Variants in MFNG observed in about 807,000 individuals in gnomAD.
MFNG encodes the protein beta-1,3-N-acetylglucosaminyltransferase manic fringe.
Under a neutral mutation model 34.2 loss-of-function variants are expected in MFNG, and 24 were observed. The ratio of observed to expected loss-of-function variants is 0.70; its 90% CI spans 0.51 to 0.99. The LOEUF (loss-of-function observed/expected upper bound fraction) is 0.99, where lower values mean the gene tolerates loss of function less well. Among genes scored for constraint, MFNG ranks in the 50% least tolerant of loss-of-function variants. The pLI, the probability that MFNG is intolerant of heterozygous loss-of-function variation, is 0.00. For synonymous variants in MFNG, 158 were observed against 179.2 expected, an observed-to-expected ratio of 0.88 and a Z score of 0.94; for missense variants, 383 against 424.0, an observed-to-expected ratio of 0.90 and a Z score of 0.85.
chr22:37,472,382 G>T, intron 7 of MFNG, 61 bp downstream of exon 7: 2 of 1,308,648 alleles, frequency 1.5e-6, no homozygotes, highest in Non-Finnish European at 1.1e-6. Context: ...GCTCCCCCAT[G>T]TTTGGATGCC....
chr22:37,474,433 C>T (rs529548860), intron 6 of MFNG, 79 bp downstream of exon 6: 3 of 1,526,312 alleles, frequency 2.0e-6, no homozygotes, highest in African/African-American at 1.4e-5. Context: ...CTTTCAAACG[C>T]CAGGAGGGAG....
At position 37,482,442 on chromosome 22, in the gene MFNG, C is replaced by T. The variant is rs899218599; in HGVS notation, c.256-1673G>A. On this transcript the variant is annotated intron_variant, in intron 1 of 7. Coordinates refer to ENST00000356998, the MANE Select transcript of MFNG (RefSeq NM_002405.4). This position sits in a 1 kb window ranked among gnomAD's most constrained non-coding sequence, Gnocchi z 4.1. Reference sequence around the variant, plus strand: ...TGTCTCTCTCTCTCACACACACACACGCACACACACGCACGCATACACACA... The same window carrying T: ...TGTCTCTCTCTCTCACACACACACATGCACACACACGCACGCATACACACA... 4.7e-5 allele frequency among the ~76,000 whole-genome samples: 7 copies of T among 150,506 alleles called. No homozygotes were observed. The highest frequency in any genetic ancestry group is 2.0e-4 in the East Asian group (1 of 5,082).
At chr22:37,484,128 T>C (rs567613981) in intron 1 of MFNG, 1 of 151,800 alleles carries the variant, frequency 6.6e-6, no homozygotes, top group Non-Finnish European at 1.5e-5. Flanking sequence ...AAGGGGACCA[T>C]AGGGAGGAGA....
chr22:37,469,586 G>C lies in MFNG; in HGVS notation c.*377C>G. The C allele has an allele frequency of 2.7e-6, 1 of 363,692 alleles. No individual in the cohort carries two copies. The highest frequency in any genetic ancestry group is 5.4e-6 in the Non-Finnish European group (1 of 185,994). The allele number at this position is 363,692 out of a possible 1,614,324, so 22.5% of individuals were successfully genotyped here. A position where few individuals can be genotyped will look rare whatever the true frequency, so the allele number is the denominator to read the frequency against. Reference sequence around the variant, plus strand: ...GCTTGAGCCCCAGGGGAATGACTGAGAGACATTAGCCAGGGCCAACGGCCA... The same window carrying C: ...GCTTGAGCCCCAGGGGAATGACTGACAGACATTAGCCAGGGCCAACGGCCA... On this transcript the variant is annotated 3_prime_UTR_variant, in exon 8 of 8. Coordinates refer to ENST00000356998, the MANE Select transcript of MFNG (RefSeq NM_002405.4).
chr22:37,477,655 G>T lies in MFNG; in HGVS notation c.562-674C>A, dbSNP rs181574780. ...TAGAGACAGGGTTTAACTATTTGTTGGCCAGGCTGGTCTCAAACTCCTGAC... is the reference window on the plus strand; with the variant it reads ...TAGAGACAGGGTTTAACTATTTGTTTGCCAGGCTGGTCTCAAACTCCTGAC... On this transcript the variant is annotated intron_variant, in intron 4 of 7. Coordinates refer to ENST00000356998, the MANE Select transcript of MFNG (RefSeq NM_002405.4). 7.2e-5 allele frequency among the ~76,000 whole-genome samples: 11 copies of T among 152,146 alleles called. No homozygotes were observed. The East Asian group carries it at 1.5e-3, about 21-fold the overall frequency.
chr22:37,470,331 C>T (rs1246858475), intron 7 of MFNG, among the ~76,000 whole-genome samples: 1 of 152,164 alleles, frequency 6.6e-6, no homozygotes, highest in Non-Finnish European at 1.5e-5. Flanking sequence ...CACTTGAGAA[C>T]CGCTAGTTTG....
At position 37,469,876 on chromosome 22, in the gene MFNG, GAC is replaced by G. The variant is rs1921727515; in HGVS notation, c.*85_*86del. 1 of 1,107,440 alleles carries G rather than the reference GAC, an allele frequency of 9.0e-7. No homozygotes were observed. Among genetic ancestry groups the G allele is most frequent in the Admixed American group, 2.0e-5 (1 of 50,556 alleles). 68.6% of individuals were successfully genotyped at this position (1,107,440 alleles called of 1,614,324 possible). A position where few individuals can be genotyped will look rare whatever the true frequency, so the allele number is the denominator to read the frequency against. ...CCCTGCCAGGGACTGCCTATCACAA[GAC>G]ACTTGCCAGGGACCCACAGTGCCAC... On this transcript the variant is annotated 3_prime_UTR_variant, in exon 8 of 8. Coordinates refer to ENST00000356998, the MANE Select transcript of MFNG (RefSeq NM_002405.4).
chr22:37,472,588 G>T, intron 6 of MFNG, 60 bp from the exon 7 acceptor site: 1 of 1,445,086 alleles, frequency 6.9e-7, no homozygotes, highest in Non-Finnish European at 9.4e-7. Flanking sequence ...CAAGGGGGCA[G>T]CATCCTGGCA....
rs910498621 is a variant in MFNG at position 37,482,830 on chromosome 22, C to T, written c.256-2061G>A. Among the ~76,000 whole-genome samples, 7 of 152,176 alleles carry T rather than the reference C, an allele frequency of 4.6e-5. No homozygotes were observed. Among genetic ancestry groups the T allele is most frequent in the Non-Finnish European group, 8.8e-5 (6 of 68,024 alleles). ...TCTCTCCCTGGGGTCTGTCTCCCAC[C>T]GTCAGATTTAGCGAATGCTGGAGGT... On this transcript the variant is annotated intron_variant, in intron 1 of 7. Transcript: ENST00000356998. This position sits in a 1 kb window ranked among gnomAD's most constrained non-coding sequence, Gnocchi z 4.1.
At chr22:37,472,581 G>T in intron 6 of MFNG, 53 bp from the exon 7 acceptor site, 2 of 1,486,220 alleles carry the variant, frequency 1.3e-6, no homozygotes, top group Non-Finnish European at 9.1e-7. Flanking sequence ...ATCCCCACAA[G>T]GGGGCAGCAT....
rs1277874232 is a variant in MFNG, at chr22:37,486,203, C to T, written c.-26G>A. The T allele has an allele frequency of 2.7e-6, 4 of 1,508,054 alleles. No individual in the cohort carries two copies. Among genetic ancestry groups the T allele is most frequent in the Non-Finnish European group, 2.7e-6 (3 of 1,129,054 alleles). The allele number at this position is 1,508,054 out of a possible 1,614,324, so 93.4% of individuals were successfully genotyped here. ...TGGTTGGCCCTGGGACCCCAGACAGCTCAGCCCCCAAATCCCAACCAGACA... is the reference window on the plus strand; with the variant it reads ...TGGTTGGCCCTGGGACCCCAGACAGTTCAGCCCCCAAATCCCAACCAGACA... On this transcript the variant is annotated 5_prime_UTR_variant, in exon 1 of 8. Coordinates refer to ENST00000356998, the MANE Select transcript of MFNG (RefSeq NM_002405.4).
chr22:37,478,495 G>A (rs1246032809), intron 4 of MFNG, among the ~76,000 whole-genome samples: 8 of 152,188 alleles, frequency 5.3e-5, no homozygotes, highest in Non-Finnish European at 1.2e-4. Flanking sequence ...ACCCAAATCA[G>A]TGTCCATCCA....
chr22:37,471,532 A>G (rs1921803926), intron 7 of MFNG, among the ~76,000 whole-genome samples: 1 of 152,100 alleles, frequency 6.6e-6, no homozygotes, highest in Non-Finnish European at 1.5e-5. Flanking sequence ...CCTGGCCAGA[A>G]TCACAAGCCA....
At position 37,486,267 on chromosome 22, in the gene MFNG, C is replaced by A; in HGVS notation, c.-90G>T. 7.2e-7 allele frequency: 1 copy of A among 1,384,878 alleles called. No individual in the cohort carries two copies. The highest frequency in any genetic ancestry group is 9.4e-7 in the Non-Finnish European group (1 of 1,058,522). 85.8% of individuals were successfully genotyped at this position (1,384,878 alleles called of 1,614,324 possible). On this transcript the variant is annotated 5_prime_UTR_variant, in exon 1 of 8. Transcript: ENST00000356998. The stretch of plus-strand genomic sequence containing the variant: ...GGTCAGGCAGGGGCTCCAGCAGAGG[C>A]AAAAGTCTGGCAGGCATCAGGGGCT...
At chr22:37,477,826 ATTCT>A (rs897329193) in intron 4 of MFNG, among the ~76,000 whole-genome samples, 2 of 152,110 alleles carry the variant, frequency 1.3e-5, no homozygotes, top group Non-Finnish European at 1.5e-5. Context: ...ACCTCATTTC[ATTCT>A]TTCTTCTGTG....
In MFNG at chr22:37,486,038, C is replaced by G; in HGVS notation, c.140G>C (p.Gly47Ala). ...ATCGTGTAGCTGTAGCTTAGGGGGC[C>G]CCGGGTTCGGCTGGCTCAGCTCGGG... The part of the protein sequence containing the change: ...GTPELSQPNP[G>A]PPKLQLHDVF... Residue 47 changes from glycine to alanine, a missense_variant, in exon 1 of 8, where the codon GGG becomes GCG. Coordinates refer to ENST00000356998, the MANE Select transcript of MFNG (RefSeq NM_002405.4). 6.2e-7 allele frequency: 1 copy of G among 1,614,034 alleles called. No individual in the cohort carries two copies. Among genetic ancestry groups the G allele is most frequent in the Middle Eastern group, 1.7e-4 (1 of 6,058 alleles).
intron 1 of MFNG, among the ~76,000 whole-genome samples, chr22:37,481,720 G>A (rs899800831): frequency 1.1e-4 from 16 of 152,186 alleles, no homozygotes; most frequent in African/African-American, 3.4e-4. Flanking sequence ...GGGACTGCCC[G>A]GCCCAGGACT....
At chr22:37,478,319 G>A (rs1387293292) in intron 4 of MFNG, among the ~76,000 whole-genome samples, 1 of 152,142 alleles carries the variant, frequency 6.6e-6, no homozygotes, top group Non-Finnish European at 1.5e-5. Context: ...GGAGCCCTAG[G>A]GCCAGGACCA....
rs1265318706 is a variant in MFNG, at chr22:37,469,843, C to A, written c.*120G>T. 1.2e-6 allele frequency: 1 copy of A among 853,548 alleles called. No individual in the cohort carries two copies. Among genetic ancestry groups the A allele is most frequent in the Non-Finnish European group, 2.0e-6 (1 of 510,450 alleles). 52.9% of individuals were successfully genotyped at this position (853,548 alleles called of 1,614,324 possible). A position where few individuals can be genotyped will look rare whatever the true frequency, so the allele number is the denominator to read the frequency against. ...ACTCAGATCCTGGGCTTGCCAACCA[C>A]CCGAAGGCCCTGCCAGGGACTGCCT... On this transcript the variant is annotated 3_prime_UTR_variant, in exon 8 of 8. Transcript: ENST00000356998.
Sources: allele counts gnomAD v4.1 joint callset (sites outside exome capture counted in the v4.1 genomes callset), GRCh38; gene constraint gnomAD v4.1.1; non-coding constraint Gnocchi (gnomAD v3.1); transcripts MANE v1.5; gene names NCBI Gene and HGNC (gene_info 2026-07-23, HGNC 2026-07-21).